TRHDE: variants seen among roughly 807,000 people sequenced by gnomAD.
TRHDE encodes the protein thyrotropin-releasing hormone-degrading ectoenzyme.
In TRHDE, 72 loss-of-function variants were observed where a neutral mutation model predicts 125.7. The ratio of observed to expected loss-of-function variants is 0.57; its 90% confidence interval spans 0.47 to 0.70. The LOEUF (loss-of-function observed/expected upper bound fraction) is 0.70, where lower values mean the gene tolerates loss of function less well. Ranked by LOEUF, TRHDE falls within the 30% of genes least tolerant of loss-of-function variation. TRHDE has a pLI of 0.00. For missense variants in TRHDE, 1,110 were observed against 1,327.1 expected, an observed-to-expected ratio of 0.84 and a Z score of 2.54; for synonymous variants, 509 against 509.1, an observed-to-expected ratio of 1.00 and a Z score of 0.00.
intron 7 of TRHDE, among the ~76,000 whole-genome samples, chr12:72,543,526 C>A (rs1328738753): frequency 6.6e-6 from 1 of 151,242 alleles, no homozygotes; most frequent in Non-Finnish European, 1.5e-5. Context: ...CAAGGAGTAT[C>A]CTTCATGAAT....
intron 3 of TRHDE, among the ~76,000 whole-genome samples, chr12:72,416,681 A>T (rs1424082151): frequency 6.6e-6 from 1 of 152,018 alleles, no homozygotes; most frequent in African/African-American, 2.4e-5. Context: ...AAAATAAGTT[A>T]GCTGTAAATA....
chr12:72,133,422 A>G (rs551737020), intron 2 of TRHDE, among the ~76,000 whole-genome samples: 1 of 152,286 alleles, frequency 6.6e-6, no homozygotes, highest in South Asian at 2.1e-4. Context: ...AGAGGGAGAG[A>G]TTACAAGAAG....
chr12:72,216,034 G>A (rs182992332), intron 2 of TRHDE, among the ~76,000 whole-genome samples: 1 of 152,290 alleles, frequency 6.6e-6, no homozygotes, highest in Non-Finnish European at 1.5e-5. Context: ...AGGCAAGTTA[G>A]TCAATGTGAG....
chr12:72,493,644 TTGA>T (rs953295322), intron 5 of TRHDE, among the ~76,000 whole-genome samples: 2 of 151,992 alleles, frequency 1.3e-5, no homozygotes, highest in African/African-American at 2.4e-5. Context: ...TGGAAAAATC[TTGA>T]TGATTTCATT....
intron 15 of TRHDE, among the ~76,000 whole-genome samples, chr12:72,641,706 T>C (rs1160550815): frequency 6.6e-6 from 1 of 152,226 alleles, no homozygotes; most frequent in Non-Finnish European, 1.5e-5. Context: ...AATGAAAACA[T>C]TCACAGCAAA....
intron 2 of TRHDE, among the ~76,000 whole-genome samples, chr12:72,373,823 C>A (rs1303827619): frequency 6.6e-6 from 1 of 151,926 alleles, no homozygotes; most frequent in Non-Finnish European, 1.5e-5. Flanking sequence ...TAGTGTGGAG[C>A]AAAGGACTAG....
chr12:72,195,917 T>C lies in TRHDE; in HGVS notation n.279+90165T>C, dbSNP rs201652919. Among the ~76,000 whole-genome samples, 3 of 152,188 alleles carry C rather than the reference T, an allele frequency of 2.0e-5. No individual in the cohort carries two copies. In the East Asian group the frequency reaches 5.8e-4, roughly 29 times the overall value. ...ATTTTTGTATATAAGGTGAAAGGTA[T>C]GGGTCCAGTTTCGTTCTTCTGCATA... On this transcript the variant is annotated intron_variant and non_coding_transcript_variant, in intron 2 of 4. Coordinates refer to the TRHDE transcript ENST00000548156.
At chr12:72,383,459 C>G (rs1252034316) in intron 3 of TRHDE, among the ~76,000 whole-genome samples, 2 of 146,378 alleles carry the variant, frequency 1.4e-5, no homozygotes, top group African/African-American at 2.6e-5. Context: ...TGACTGCAAC[C>G]TCCGCCTTCC....
intron 1 of TRHDE, among the ~76,000 whole-genome samples, chr12:72,284,940 G>A (rs977741758): frequency 3.9e-5 from 6 of 152,116 alleles, no homozygotes; most frequent in African/African-American, 1.4e-4. Context: ...TGAAAAAACA[G>A]GGTCAGATAG....
rs900858978 is a variant in TRHDE at position 72,205,411 on chromosome 12, G to T, written n.279+99659G>T. Among the ~76,000 whole-genome samples, 7 of 150,332 alleles carry T rather than the reference G, an allele frequency of 4.7e-5. No homozygotes were observed. The East Asian group carries it at 1.2e-3, about 25-fold the overall frequency. ...ACTTATTCTTTTAAAGTTTTTAAGT[G>T]TATAATATTGTTAACTATATGTACA... On this transcript the variant is annotated intron_variant and non_coding_transcript_variant, in intron 2 of 4. Coordinates refer to the TRHDE transcript ENST00000548156.
chr12:72,376,517 G>A (rs1389073815), intron 2 of TRHDE, among the ~76,000 whole-genome samples: 1 of 152,164 alleles, frequency 6.6e-6, no homozygotes, highest in Non-Finnish European at 1.5e-5. Context: ...GTTGGTGACT[G>A]TAGACTAAAT....
At chr12:72,542,496 C>A in intron 7 of TRHDE, 140 bp downstream of exon 7, 2 of 563,886 alleles carry the variant, frequency 3.5e-6, no homozygotes, top group Non-Finnish European at 3.0e-6. Context: ...TTCTATATGA[C>A]AAATGAAAAT....
At chr12:72,477,512 C>G (rs1288503858) in intron 5 of TRHDE, among the ~76,000 whole-genome samples, 1 of 152,170 alleles carries the variant, frequency 6.6e-6, no homozygotes, top group Non-Finnish European at 1.5e-5. Context: ...GGATTCATAG[C>G]ATGAATAGTC....
intron 2 of TRHDE, among the ~76,000 whole-genome samples, chr12:72,353,995 A>G (rs1870702678): frequency 6.6e-6 from 1 of 151,736 alleles, no homozygotes; most frequent in South Asian, 2.1e-4. Flanking sequence ...TGCTTATTAC[A>G]TCAATGTTGG....
Position 72,620,065 on chromosome 12 carries a change from TATG to T in TRHDE, c.2469+1030_2469+1032del, listed in dbSNP as rs567717078. ...ATGCAAACAAATGGGTCATTACAGT[TATG>T]ATACAATTTTTTACTTGCTAGAGAA... On this transcript the variant is annotated intron_variant, in intron 13 of 18. Coordinates refer to ENST00000261180, the MANE Select transcript of TRHDE (RefSeq NM_013381.3). 3.9e-5 allele frequency among the ~76,000 whole-genome samples: 6 copies of T among 152,098 alleles called. No individual in the cohort carries two copies. In the South Asian group the frequency reaches 1.2e-3, roughly 31 times the overall value.
intron 3 of TRHDE, among the ~76,000 whole-genome samples, chr12:72,466,954 G>A (rs1184573486): frequency 2.0e-5 from 3 of 152,186 alleles, no homozygotes; most frequent in African/African-American, 4.8e-5. Context: ...GCACCATGAC[G>A]ATAGAGAGCA....
intron 15 of TRHDE, among the ~76,000 whole-genome samples, chr12:72,637,679 G>A (rs376403665): frequency 9.7e-4 from 147 of 152,218 alleles, no homozygotes; most frequent in African/African-American, 2.9e-3. Flanking sequence ...CTTTGAATGC[G>A]TCCCAGAGAT....
intron 6 of TRHDE, among the ~76,000 whole-genome samples, chr12:72,533,050 A>T (rs1333631486): frequency 6.6e-6 from 1 of 152,072 alleles, no homozygotes; most frequent in African/African-American, 2.4e-5. Flanking sequence ...TGTTTCCTTA[A>T]AAGTTTATTT....
intron 2 of TRHDE, among the ~76,000 whole-genome samples, chr12:72,143,851 A>G (rs912454813): frequency 6.6e-6 from 1 of 152,222 alleles, no homozygotes; most frequent in African/African-American, 2.4e-5. Context: ...AATATAGTAT[A>G]AGAAACCCAA....
Sources: allele counts gnomAD v4.1 joint callset (sites outside exome capture counted in the v4.1 genomes callset), GRCh38; gene constraint gnomAD v4.1.1; transcripts MANE v1.5; gene names NCBI Gene and HGNC (gene_info 2026-07-23, HGNC 2026-07-21).